The following SCAMP1 variants were observed in gnomAD, a reference collection of about 807,000 sequenced individuals.
The protein encoded by SCAMP1 is secretory carrier membrane protein 1.
A neutral mutation model predicts 41.8 loss-of-function variants in SCAMP1; 15 were observed. The ratio of observed to expected loss-of-function variants is 0.36; its 90% CI spans 0.24 to 0.55. The LOEUF is 0.55. Ranked by LOEUF, SCAMP1 falls within the 20% of genes least tolerant of loss-of-function variation. The pLI is 0.86. For synonymous variants in SCAMP1, 135 were observed against 136.8 expected (o/e 0.99, Z 0.09); for missense variants, 341 against 412.6 (o/e 0.83, Z 1.50).
intron 8 of SCAMP1, among the ~76,000 whole-genome samples, chr5:78,471,349 A>G (rs1003666180): frequency 3.9e-5 from 6 of 152,164 alleles, no homozygotes; most frequent in African/African-American, 1.2e-4. Flanking sequence ...CAAAAGGGAT[A>G]TCTGACCCAT....
intron 7 of SCAMP1, among the ~76,000 whole-genome samples, chr5:78,453,685 A>G (rs1279590476): frequency 6.6e-6 from 1 of 152,142 alleles, no homozygotes; most frequent in Admixed American, 6.5e-5. Context: ...TTTTGGTTCC[A>G]TATGAACTTT....
chr5:78,383,179 C>T (rs1300566646), intron 1 of SCAMP1, among the ~76,000 whole-genome samples: 8 of 152,094 alleles, frequency 5.3e-5, no homozygotes, highest in Non-Finnish European at 8.8e-5. Context: ...CTTTGCATTT[C>T]CCTGATAATG....
At chr5:78,462,762 A>G (rs571039963) in intron 8 of SCAMP1, among the ~76,000 whole-genome samples, 3 of 152,204 alleles carry the variant, frequency 2.0e-5, no homozygotes, top group Non-Finnish European at 2.9e-5. Context: ...AAATCATTAC[A>G]TAGAGGAAGG....
chr5:78,443,924 A>G (rs972371635), intron 6 of SCAMP1, among the ~76,000 whole-genome samples: 1 of 152,102 alleles, frequency 6.6e-6, no homozygotes, highest in Non-Finnish European at 1.5e-5. Flanking sequence ...CTAAAGTTCT[A>G]GGATTACAAG....
At chr5:78,391,431 G>A (rs1404764130) in intron 2 of SCAMP1, among the ~76,000 whole-genome samples, 11 of 151,604 alleles carry the variant, frequency 7.3e-5, no homozygotes, top group Non-Finnish European at 1.3e-4. Context: ...CCTCCCTCCC[G>A]GACAGGGCGG....
At chr5:78,410,956 C>A (rs550410807) in intron 2 of SCAMP1, among the ~76,000 whole-genome samples, 1 of 152,110 alleles carries the variant, frequency 6.6e-6, no homozygotes, top group African/African-American at 2.4e-5. Flanking sequence ...TGACAAGTGT[C>A]TGTTCATGTC....
At chr5:78,430,832 C>T (rs1378169721) in intron 6 of SCAMP1, among the ~76,000 whole-genome samples, 1 of 151,978 alleles carries the variant, frequency 6.6e-6, no homozygotes, top group African/African-American at 2.4e-5. Context: ...AGTTAACTGA[C>T]TTTGGAATAT....
intron 5 of SCAMP1, among the ~76,000 whole-genome samples, chr5:78,421,434 G>A (rs2112147278): frequency 6.6e-6 from 1 of 152,090 alleles, no homozygotes; most frequent in East Asian, 1.9e-4. Context: ...CCTAAGTCCT[G>A]GGTCTTTTCC....
At chr5:78,465,697 G>GC (rs1753727537) in intron 8 of SCAMP1, among the ~76,000 whole-genome samples, 3 of 152,276 alleles carry the variant, frequency 2.0e-5, no homozygotes, top group Admixed American at 1.3e-4. Context: ...TTGTTTAGTA[G>GC]ATGCCTTTAT....
intron 6 of SCAMP1, among the ~76,000 whole-genome samples, chr5:78,444,465 A>G (rs993899040): frequency 1.3e-5 from 2 of 152,204 alleles, no homozygotes; most frequent in African/African-American, 4.8e-5. Flanking sequence ...AGAACAGCAC[A>G]GGAAAACCTG....
chr5:78,398,541 A>AATTTTTTTTTTTTTT (rs1751715013), intron 2 of SCAMP1, among the ~76,000 whole-genome samples: 1 of 44,226 alleles, frequency 2.3e-5, no homozygotes, highest in African/African-American at 7.9e-5. Flanking sequence ...AAGGTTCACT[A>AATTTTTTTTTTTTTT]TTTTTTTTTT....
At chr5:78,400,234 A>C (rs1346566) in intron 2 of SCAMP1, among the ~76,000 whole-genome samples, 14,203 of 152,214 alleles carry the variant, frequency 0.093, 893 homozygotes, top group Admixed American at 0.17. Context: ...CTGTTTTTCT[A>C]ATCTTTTGTC....
At position 78,443,348 on chromosome 5, in the gene SCAMP1, A is replaced by G. The variant is rs550279428; in HGVS notation, c.633-6585A>G. Among the ~76,000 whole-genome samples, 511 of 152,236 alleles carry G rather than the reference A, an allele frequency of 3.4e-3. 4 individuals are homozygous for G. The highest frequency in any genetic ancestry group is 0.012 in the African/African-American group (488 of 41,528). On this transcript the variant is annotated intron_variant, in intron 6 of 8. Coordinates refer to ENST00000621999, the MANE Select transcript of SCAMP1 (RefSeq NM_004866.6). ...GTTTGCTTATCCGTAAAATGGAGTC[A>G]ATATTAGTGTGCCTCACGTGGGTGT... is the stretch of plus-strand genomic sequence containing the variant.
intron 2 of SCAMP1, among the ~76,000 whole-genome samples, chr5:78,408,415 G>C (rs1418791811): frequency 6.6e-6 from 1 of 152,110 alleles, no homozygotes; most frequent in Non-Finnish European, 1.5e-5. Flanking sequence ...TGAGATTTGG[G>C]TGGGGACACA....
chr5:78,399,896 A>G (rs1249678518), intron 2 of SCAMP1, among the ~76,000 whole-genome samples: 2 of 152,134 alleles, frequency 1.3e-5, no homozygotes, highest in African/African-American at 4.8e-5. Context: ...CTCCTGTGTT[A>G]TCTTCGAGGA....
At chr5:78,406,566 TC>T (rs1393511171) in intron 2 of SCAMP1, among the ~76,000 whole-genome samples, 10 of 152,282 alleles carry the variant, frequency 6.6e-5, no homozygotes, top group African/African-American at 2.2e-4. Context: ...CCTTGGAATT[TC>T]CAGTGCAGAG....
intron 6 of SCAMP1, among the ~76,000 whole-genome samples, chr5:78,448,158 T>TCTCCTCCTCCTC (rs1156977622): frequency 9.1e-6 from 1 of 110,410 alleles, no homozygotes; most frequent in Admixed American, 9.9e-5. Flanking sequence ...TCTTCCTCCT[T>TCTCCTCCTCCTC]CTCCTCCTCC....
chr5:78,395,760 C>T (rs2112099646), intron 2 of SCAMP1, among the ~76,000 whole-genome samples: 1 of 152,330 alleles, frequency 6.6e-6, no homozygotes, highest in Non-Finnish European at 1.5e-5. Flanking sequence ...TTCTTGCCCC[C>T]TGGGCCTCTC....
intron 8 of SCAMP1, among the ~76,000 whole-genome samples, chr5:78,460,808 C>CTT (rs1164686959): frequency 4.3e-5 from 1 of 23,128 alleles, no homozygotes; most frequent in Non-Finnish European, 1.3e-4. Context: ...TTCCTTCCTC[C>CTT]CTTCCTTCCT....
Sources: allele counts gnomAD v4.1 joint callset (sites outside exome capture counted in the v4.1 genomes callset), GRCh38; gene constraint gnomAD v4.1.1; transcripts MANE v1.5; gene names NCBI Gene and HGNC (gene_info 2026-07-23, HGNC 2026-07-21).